Variants in JARID2 observed in about 807,000 individuals in gnomAD.
JARID2 encodes jumonji and AT-rich interaction domain containing 2.
A neutral mutation model predicts 125.6 loss-of-function variants in JARID2; 21 were observed. The ratio of observed to expected loss-of-function variants is 0.17; its 90% CI spans 0.12 to 0.24. The LOEUF (loss-of-function observed/expected upper bound fraction) is 0.24. JARID2 is among the 10% of genes least tolerant of loss of function. The pLI is 1.00. For missense variants in JARID2, 1,303 were observed against 1,639.6 expected (o/e 0.79, Z 3.55); for synonymous variants, 736 against 661.6 (o/e 1.11, Z -1.73).
intron 1 of JARID2, among the ~76,000 whole-genome samples, chr6:15,370,878 G>T (rs1764143097): frequency 6.6e-6 from 1 of 152,166 alleles, no homozygotes. Flanking sequence ...GCTTAATTGG[G>T]ACTATTTGGA....
intron 1 of JARID2, among the ~76,000 whole-genome samples, chr6:15,353,332 A>C (rs1046363313): frequency 6.6e-6 from 1 of 152,230 alleles, no homozygotes; most frequent in African/African-American, 2.4e-5. Context: ...GTTCACTTAT[A>C]TACATTACAG....
chr6:15,432,490 C>T (rs563628405), intron 3 of JARID2, among the ~76,000 whole-genome samples: 3 of 152,148 alleles, frequency 2.0e-5, no homozygotes, highest in Admixed American at 6.5e-5. Context: ...AAGAAAAGTA[C>T]GCTCCACAGA....
chr6:15,477,141 A>G (rs998137980), intron 5 of JARID2, among the ~76,000 whole-genome samples: 2 of 152,188 alleles, frequency 1.3e-5, no homozygotes, highest in African/African-American at 4.8e-5. Flanking sequence ...TTGGACTCCC[A>G]GCTGGAATGA....
chr6:15,323,374 C>T (rs546101423), intron 1 of JARID2, among the ~76,000 whole-genome samples: 13 of 152,126 alleles, frequency 8.5e-5, no homozygotes, highest in East Asian at 7.8e-4. Flanking sequence ...GCTACAGCAC[C>T]GGGAAATCCT....
At chr6:15,431,635 A>T (rs1485627657) in intron 3 of JARID2, among the ~76,000 whole-genome samples, 2 of 152,268 alleles carry the variant, frequency 1.3e-5, no homozygotes, top group Non-Finnish European at 2.9e-5. Context: ...GCAATTAGTT[A>T]ATTGAAATTA....
At chr6:15,511,257 C>T in intron 12 of JARID2, 39 bp from the exon 13 acceptor site, 1 of 1,440,558 alleles carries the variant, frequency 6.9e-7, no homozygotes, top group Non-Finnish European at 9.8e-7. Flanking sequence ...AGGCCCTTGT[C>T]AAGTCTCTGC....
chr6:15,515,803 C>G (rs1422287950), intron 16 of JARID2, among the ~76,000 whole-genome samples: 1 of 151,282 alleles, frequency 6.6e-6, no homozygotes, highest in Non-Finnish European at 1.5e-5. Context: ...TGCTTGTAAT[C>G]CCAGCACTTT....
chr6:15,332,320 G>A (rs16876233), intron 1 of JARID2, among the ~76,000 whole-genome samples: 4,211 of 152,188 alleles, frequency 0.028, 202 homozygotes, highest in African/African-American at 0.095. Flanking sequence ...GCTCAAACAT[G>A]CCAGACAATT....
chr6:15,521,815 G>A lies in JARID2; in HGVS notation c.*1564G>A, dbSNP rs1016070358. On this transcript the variant is annotated 3_prime_UTR_variant, in exon 18 of 18. Transcript: ENST00000341776. ...AAACAGTCAAGTGTTTTCCAATGTG[G>A]TTGTCCGGTTTCTATGGCCTTGCTG... is the stretch of plus-strand genomic sequence containing the variant. The A allele has an allele frequency of 6.6e-6, 1 of 152,176 alleles. No homozygotes were observed. The highest frequency in any genetic ancestry group is 1.5e-5 in the Non-Finnish European group (1 of 68,032). 9.4% of individuals were successfully genotyped at this position (152,176 alleles called of 1,614,324 possible).
At chr6:15,423,005 T>A (rs1433041368) in intron 3 of JARID2, among the ~76,000 whole-genome samples, 4 of 143,798 alleles carry the variant, frequency 2.8e-5, no homozygotes, top group Non-Finnish European at 6.1e-5. Flanking sequence ...TTTTTTTTTT[T>A]AAACATTTAT....
chr6:15,255,782 T>C (rs1581329871), intron 1 of JARID2, among the ~76,000 whole-genome samples: 1 of 152,188 alleles, frequency 6.6e-6, no homozygotes, highest in Admixed American at 6.5e-5. Flanking sequence ...AGAAGGGGGC[T>C]GAGTGAATGC....
intron 1 of JARID2, among the ~76,000 whole-genome samples, chr6:15,272,999 A>C (rs749093595): frequency 1.2e-4 from 18 of 152,128 alleles, no homozygotes; most frequent in Non-Finnish European, 2.5e-4. Context: ...AAGAGGTTAT[A>C]TTTGTGTTTT....
intron 6 of JARID2, among the ~76,000 whole-genome samples, chr6:15,490,598 T>C (rs1468809873): frequency 1.3e-5 from 2 of 152,246 alleles, no homozygotes; most frequent in Non-Finnish European, 2.9e-5. Context: ...TGTCATGGAA[T>C]GCACATGCCT....
At chr6:15,421,763 A>G (rs1766500335) in intron 3 of JARID2, among the ~76,000 whole-genome samples, 1 of 152,120 alleles carries the variant, frequency 6.6e-6, no homozygotes, top group South Asian at 2.1e-4. Flanking sequence ...CACCTTCCAT[A>G]AGTTGTAGCA....
In JARID2 at chr6:15,496,231, G is replaced by T; in HGVS notation, c.1006G>T (p.Val336Leu). 2 of 1,614,168 alleles carry T rather than the reference G, an allele frequency of 1.2e-6. No homozygotes were observed. The highest frequency in any genetic ancestry group is 2.2e-5 in the East Asian group (1 of 44,878). Residue 336 changes from valine to leucine, a missense_variant, in exon 7 of 18, where the codon GTG becomes TTG. Physicochemically the swap from Val to Leu is conservative, Grantham distance 32. Transcript: ENST00000341776. The stretch of plus-strand genomic sequence containing the variant: ...GGTCAGACCTTCACCATCCAAAACT[G>T]TGAAGTACACTGCCACGGTGACGAA... ...REVRPSPSKT[V>L]KYTATVTKGA...
chr6:15,498,879 G>A (rs1474117514), intron 7 of JARID2, among the ~76,000 whole-genome samples: 2 of 152,238 alleles, frequency 1.3e-5, no homozygotes, highest in Non-Finnish European at 2.9e-5. Flanking sequence ...GTCAGTGATG[G>A]AACCGCACCA....
intron 5 of JARID2, among the ~76,000 whole-genome samples, chr6:15,482,182 G>T (rs1014002751): frequency 6.6e-6 from 1 of 152,184 alleles, no homozygotes; most frequent in African/African-American, 2.4e-5. Flanking sequence ...ATTTATCACC[G>T]AACAGGTGAC....
intron 1 of JARID2, among the ~76,000 whole-genome samples, chr6:15,304,910 T>C (rs1221917469): frequency 6.6e-6 from 1 of 151,906 alleles, no homozygotes; most frequent in African/African-American, 2.4e-5. Context: ...AGCAGCTGTT[T>C]CCAGCATGTG....
rs1439347533 is a variant in JARID2, at chr6:15,247,459, A to AG, written c.45+880dup. On this transcript the variant is annotated intron_variant, in intron 1 of 17. Coordinates refer to ENST00000341776, the MANE Select transcript of JARID2 (RefSeq NM_004973.4). Reference sequence around the variant, plus strand: ...TTTTAAGTTTGAGGGGAGGGAGGAAAGGGGGACCGAGGGATTAACCAAATA... The same window carrying AG: ...TTTTAAGTTTGAGGGGAGGGAGGAAAGGGGGGACCGAGGGATTAACCAAATA... 3 of 981,442 alleles carry AG rather than the reference A, an allele frequency of 3.1e-6. No individual in the cohort carries two copies. The Admixed American group carries it at 1.9e-4, about 62-fold the overall frequency. The allele number at this position is 981,442 out of a possible 1,614,324, so 60.8% of individuals were successfully genotyped here.
Sources: allele counts gnomAD v4.1 joint callset (sites outside exome capture counted in the v4.1 genomes callset), GRCh38; gene constraint gnomAD v4.1.1; transcripts MANE v1.5; gene names NCBI Gene and HGNC (gene_info 2026-07-23, HGNC 2026-07-21).